Variants in TBC1D4 observed in about 807,000 individuals in gnomAD.
TBC1D4 encodes the protein TBC1 domain family member 4, also known as TBC (Tre-2, BUB2, CDC16) domain-containing protein.
In TBC1D4, 121 loss-of-function variants were observed where a neutral mutation model predicts 142.5. That is an observed-to-expected ratio of 0.85 (90% CI 0.73 to 0.99). The LOEUF is 0.99. Ranked by LOEUF, TBC1D4 falls within the 50% of genes least tolerant of loss-of-function variation. The pLI is 0.00. For missense variants in TBC1D4, 1,475 were observed against 1,606.6 expected (o/e 0.92, Z 1.40); for synonymous variants, 630 against 628.2 (o/e 1.00, Z -0.04).
intron 1 of TBC1D4, among the ~76,000 whole-genome samples, chr13:75,400,193 C>T (rs1885013133): frequency 6.6e-6 from 1 of 152,016 alleles, no homozygotes; most frequent in Non-Finnish European, 1.5e-5. Flanking sequence ...CACTTCATTT[C>T]TCTCCCTCCT....
rs1393773667 is a variant in TBC1D4, at chr13:75,326,221, C to T, written c.2009G>A (p.Arg670Lys). The T allele has an allele frequency of 3.1e-6, 5 of 1,614,028 alleles. No individual in the cohort carries two copies. Among genetic ancestry groups the T allele is most frequent in the Non-Finnish European group, 4.2e-6 (5 of 1,180,016 alleles). Residue 670 changes from arginine (R) to lysine (K), a missense_variant, in exon 10 of 21, where the codon AGG becomes AAG. Arg to Lys is a conservative substitution (Grantham distance 26). This residue lies in a region of TBC1D4 where 1,227 missense variants were observed against 1,267.7 expected (regional missense o/e 0.97). Coordinates refer to ENST00000377636, the MANE Select transcript of TBC1D4 (RefSeq NM_014832.5). ...CCTGCACTGTTCACTGGAGCTCTGC[C>T]TCAGCAGAGGGGAACGCACACCCTG... The part of the protein sequence containing the change: ...RAQGVRSPLL[R>K]QSSSEQCSNL...
At chr13:75,354,706 G>T (rs1388452455) in intron 4 of TBC1D4, among the ~76,000 whole-genome samples, 1 of 151,866 alleles carries the variant, frequency 6.6e-6, no homozygotes, top group East Asian at 1.9e-4. Context: ...GTGGGGAGCG[G>T]GGCATGTGTG....
chr13:75,410,144 A>G (rs547786696), intron 1 of TBC1D4, among the ~76,000 whole-genome samples: 3 of 152,320 alleles, frequency 2.0e-5, no homozygotes, highest in South Asian at 2.1e-4. Flanking sequence ...TGCTCATGAT[A>G]ATCACTCAAT....
chr13:75,367,179 C>A (rs1882963523), intron 1 of TBC1D4, among the ~76,000 whole-genome samples: 1 of 152,132 alleles, frequency 6.6e-6, no homozygotes, highest in Non-Finnish European at 1.5e-5. Flanking sequence ...AAGAGCAAAG[C>A]TTTAGCTTTC....
chr13:75,389,980 A>G (rs1566451768), intron 1 of TBC1D4, among the ~76,000 whole-genome samples: 1 of 152,304 alleles, frequency 6.6e-6, no homozygotes, highest in South Asian at 2.1e-4. Context: ...ATTTAAAATG[A>G]AAAGGTCAGA....
chr13:75,472,034 T>C (rs1418299558), intron 1 of TBC1D4, among the ~76,000 whole-genome samples: 1 of 139,846 alleles, frequency 7.2e-6, no homozygotes, highest in South Asian at 2.3e-4. Flanking sequence ...TTGAACCCAG[T>C]AGGTGGAGGT....
intron 1 of TBC1D4, among the ~76,000 whole-genome samples, chr13:75,422,764 C>T (rs1391235232): frequency 6.6e-6 from 1 of 152,114 alleles, no homozygotes; most frequent in African/African-American, 2.4e-5. Flanking sequence ...TAATATTCCT[C>T]AATGTACTTC....
At chr13:75,329,242 A>C (rs1879539847) in intron 8 of TBC1D4, among the ~76,000 whole-genome samples, 2 of 151,980 alleles carry the variant, frequency 1.3e-5, no homozygotes, top group African/African-American at 4.8e-5. Context: ...GACATATTTT[A>C]CTATGATTAT....
chr13:75,295,361 T>C (rs1198618942), intron 17 of TBC1D4, among the ~76,000 whole-genome samples: 1 of 152,152 alleles, frequency 6.6e-6, no homozygotes, highest in Non-Finnish European at 1.5e-5. Context: ...GAAAATCCCT[T>C]CTAATTTCAG....
intron 1 of TBC1D4, among the ~76,000 whole-genome samples, chr13:75,433,605 A>G (rs1413320744): frequency 6.6e-6 from 1 of 152,194 alleles, no homozygotes; most frequent in African/African-American, 2.4e-5. Flanking sequence ...TTCCTAACGT[A>G]CTTGATTCAT....
chr13:75,439,509 C>T (rs775067694), intron 1 of TBC1D4, among the ~76,000 whole-genome samples: 1 of 152,190 alleles, frequency 6.6e-6, no homozygotes, highest in Non-Finnish European at 1.5e-5. Flanking sequence ...TTGTAAACCA[C>T]TATGTTCAAA....
At chr13:75,481,247 G>A (rs756590597) in intron 1 of TBC1D4, 23 bp downstream of exon 1, 4 of 1,359,274 alleles carry the variant, frequency 2.9e-6, no homozygotes, top group South Asian at 2.3e-5. Context: ...GCCCGCCCCC[G>A]CGCCTCCGAG....
intron 13 of TBC1D4, among the ~76,000 whole-genome samples, chr13:75,310,427 C>T (rs1877633062): frequency 6.6e-6 from 1 of 152,210 alleles, no homozygotes; most frequent in Non-Finnish European, 1.5e-5. Context: ...CCAAAACTAA[C>T]TGGCCTCTCC....
chr13:75,358,940 T>C (rs978441493), intron 3 of TBC1D4, among the ~76,000 whole-genome samples: 2 of 152,196 alleles, frequency 1.3e-5, no homozygotes, highest in Non-Finnish European at 2.9e-5. Context: ...CTGAATATCA[T>C]ACCTATAGCA....
intron 1 of TBC1D4, among the ~76,000 whole-genome samples, chr13:75,451,661 T>C (rs867153412): frequency 7.3e-5 from 11 of 149,932 alleles, no homozygotes; most frequent in African/African-American, 1.5e-4. Context: ...GCCTGGGTAA[T>C]AGAACAAGTT....
chr13:75,351,532 T>C lies in TBC1D4; in HGVS notation c.1276-2230A>G, dbSNP rs952342007. Among the ~76,000 whole-genome samples, 18 of 152,210 alleles carry C rather than the reference T, an allele frequency of 1.2e-4. 1 individual carries two copies. Among genetic ancestry groups the C allele is most frequent in the Admixed American group, 3.3e-4 (5 of 15,282 alleles). The stretch of plus-strand genomic sequence containing the variant: ...GTGCTGCACCCATTAACTCGTCATT[T>C]AGCATTAGGTATATCTCCTAAGGCT... On this transcript the variant is annotated intron_variant, in intron 4 of 20. Transcript: ENST00000377636.
chr13:75,293,416 G>T (rs1275889100), intron 18 of TBC1D4, among the ~76,000 whole-genome samples: 1 of 151,608 alleles, frequency 6.6e-6, no homozygotes, highest in East Asian at 1.9e-4. Context: ...GTATTCTCAT[G>T]ACAAAAAACT....
In TBC1D4 at chr13:75,413,842, C is replaced by T. The variant is rs190323762; in HGVS notation, c.499-51235G>A. On this transcript the variant is annotated intron_variant, in intron 1 of 20. Coordinates refer to ENST00000377636, the MANE Select transcript of TBC1D4 (RefSeq NM_014832.5). ...GTGTTTGCATTTCTGGAGCCCCTCTCTTCGGTGGTTCTCTACAGGATCTCA... is the reference window on the plus strand; with the variant it reads ...GTGTTTGCATTTCTGGAGCCCCTCTTTTCGGTGGTTCTCTACAGGATCTCA... 1.5e-3 allele frequency among the ~76,000 whole-genome samples: 233 copies of T among 152,308 alleles called. 2 individuals carry two copies. The highest frequency in any genetic ancestry group is 5.4e-3 in the African/African-American group (223 of 41,572).
At chr13:75,340,466 T>C (rs752069042) in intron 7 of TBC1D4, among the ~76,000 whole-genome samples, 15 of 152,192 alleles carry the variant, frequency 9.9e-5, no homozygotes, top group Admixed American at 2.0e-4. Flanking sequence ...ATCTCCAGTT[T>C]CGATGAAATA....
Sources: gnomAD v4.1 joint callset for allele counts (sites outside exome capture counted in the v4.1 genomes callset) on GRCh38, gnomAD v4.1.1 for gene constraint, gnomAD v4.1.1 regional missense constraint, MANE v1.5 for transcripts, NCBI Gene and HGNC (gene_info 2026-07-23, HGNC 2026-07-21) for gene names.